Variants in HM13 observed in about 807,000 individuals in gnomAD.
HM13 encodes the protein signal peptide peptidase.
Under a neutral mutation model 50.0 loss-of-function variants are expected in HM13, and 18 were observed. That is an observed-to-expected ratio of 0.36 (90% CI 0.25 to 0.53). The LOEUF (loss-of-function observed/expected upper bound fraction) is 0.53, where lower values mean the gene tolerates loss of function less well. Ranked by LOEUF, HM13 falls within the 20% of genes least tolerant of loss-of-function variation. The pLI, the probability that HM13 is intolerant of heterozygous loss-of-function variation, is 0.90. For missense variants in HM13, 393 were observed against 552.4 expected, an observed-to-expected ratio of 0.71 and a Z score of 2.89; for synonymous variants, 197 against 232.6, an observed-to-expected ratio of 0.85 and a Z score of 1.39.
intron 9 of HM13, among the ~76,000 whole-genome samples, chr20:31,561,357 T>C (rs1376226074): frequency 3.9e-5 from 6 of 152,254 alleles, no homozygotes; most frequent in South Asian, 4.1e-4. Context: ...GCCACTGTTA[T>C]AAGTTGCAGC....
intron 2 of HM13, among the ~76,000 whole-genome samples, chr20:31,533,366 G>A (rs537302535): frequency 2.0e-5 from 3 of 152,280 alleles, no homozygotes; most frequent in East Asian, 3.9e-4. Context: ...TTAACCGAGC[G>A]TGGTGGCCCA....
rs1981681714 is a variant in HM13 at position 31,514,944 on chromosome 20, C to CT, written c.183+212dup. Among the ~76,000 whole-genome samples, 1 of 152,154 alleles carries CT rather than the reference C, an allele frequency of 6.6e-6. No homozygotes were observed. Among genetic ancestry groups the CT allele is most frequent in the African/African-American group, 2.4e-5 (1 of 41,434 alleles). On this transcript the variant is annotated intron_variant, in intron 1 of 12. Transcript: ENST00000398174. This position sits in a 1 kb window ranked among gnomAD's most constrained non-coding sequence, Gnocchi z 4.3. ...CCGACCCCCGACCAGGGTATGATAC[C>CT]TTCCCCAATAGGAACTTGCTTCTGC... is the stretch of plus-strand genomic sequence containing the variant.
rs1488827206 is a variant in HM13, at chr20:31,549,013, T to C, written c.455-16T>C. ...CCCTGCCTCAGGGAGTGGACTTACC[T>C]GGCCTCTCTGCTCAGAGATCATCAA... On this transcript the variant is annotated splice_polypyrimidine_tract_variant and intron_variant, in intron 4 of 12. Transcript: ENST00000398174. 2 of 1,612,902 alleles carry C rather than the reference T, an allele frequency of 1.2e-6. No individual in the cohort carries two copies. Among genetic ancestry groups the C allele is most frequent in the Non-Finnish European group, 1.7e-6 (2 of 1,178,876 alleles).
In HM13 at chr20:31,549,221, C is replaced by A; in HGVS notation, c.555C>A (p.Asn185Lys). The part of the protein sequence containing the change: ...WYLLRKHWIA[N>K]NLFGLAFSLN... ...GCTTTCCTCAGCACTGGATTGCCAA[C>A]AACCTTTTTGGCCTGGCCTTCTCCC... Residue 185 changes from asparagine to lysine, a missense_variant, in exon 6 of 13, where the codon AAC becomes AAA. Physicochemically the swap from Asn to Lys is moderately conservative, Grantham distance 94. Transcript: ENST00000398174. 1 of 1,614,222 alleles carries A rather than the reference C, an allele frequency of 6.2e-7. No individual in the cohort carries two copies. Among genetic ancestry groups the A allele is most frequent in the Non-Finnish European group, 8.5e-7 (1 of 1,180,034 alleles).
intron 3 of HM13, chr20:31,541,069 A>G (rs1196679082): frequency 2.0e-5 from 3 of 152,178 alleles, no homozygotes; most frequent in Non-Finnish European, 4.4e-5. Context: ...AATAAAACCA[A>G]CAGCAGCTAA....
chr20:31,523,042 T>TGGGG lies in HM13; in HGVS notation c.184-4442_184-4441insGGGG, dbSNP rs1568779700. Among the ~76,000 whole-genome samples, 17 of 116,442 alleles carry TGGGG rather than the reference T, an allele frequency of 1.5e-4. 1 individual carries two copies. Among genetic ancestry groups the TGGGG allele is most frequent in the African/African-American group, 8.2e-4 (17 of 20,798 alleles). 76.4% of individuals were successfully genotyped at this position (116,442 alleles called of 152,430 possible). A position where few individuals can be genotyped will look rare whatever the true frequency, so the allele number is the denominator to read the frequency against. On this transcript the variant is annotated intron_variant, in intron 1 of 12. Transcript: ENST00000398174. ...TATAATAGCCTGTTTGGGGTTTTTT[T>TGGGG]TGGGAGGGGGGCTTTTTTTTTTTTA...
chr20:31,537,784 C>A (rs1243140946), intron 2 of HM13, among the ~76,000 whole-genome samples: 2 of 152,056 alleles, frequency 1.3e-5, no homozygotes, highest in Non-Finnish European at 2.9e-5. Context: ...TGTAGGGGAT[C>A]CCTGGATGAT....
intron 4 of HM13, chr20:31,548,294 C>T: frequency 2.4e-6 from 1 of 413,592 alleles, no homozygotes; most frequent in East Asian, 4.4e-5. Flanking sequence ...CTCTGTGACT[C>T]CCGGCAAACT....
At chr20:31,560,850 G>A (rs1446177597) in intron 9 of HM13, among the ~76,000 whole-genome samples, 1 of 152,212 alleles carries the variant, frequency 6.6e-6, no homozygotes, top group Non-Finnish European at 1.5e-5. Context: ...GAAGCACCCA[G>A]GACAAGGAGA....
intron 3 of HM13, chr20:31,538,674 T>C (rs1051084751): frequency 2.7e-6 from 3 of 1,103,634 alleles, no homozygotes; most frequent in African/African-American, 1.6e-5. Flanking sequence ...AGTGAAAAGT[T>C]AGGAGCGTGG....
intron 4 of HM13, among the ~76,000 whole-genome samples, chr20:31,546,047 T>C (rs1983694028): frequency 1.2e-5 from 1 of 83,666 alleles, no homozygotes; most frequent in African/African-American, 1.8e-4. Flanking sequence ...TCTAGCACTT[T>C]TTTTTTTTTT....
intron 3 of HM13, among the ~76,000 whole-genome samples, chr20:31,542,740 C>G (rs1425997966): frequency 1.3e-5 from 2 of 152,136 alleles, no homozygotes; most frequent in African/African-American, 4.8e-5. Flanking sequence ...TAGAGACTTG[C>G]TACTTGAAGT....
intron 2 of HM13, chr20:31,528,142 C>T (rs980651218): frequency 6.6e-6 from 1 of 152,108 alleles, no homozygotes; most frequent in Non-Finnish European, 1.5e-5. Context: ...TTTCACTTCA[C>T]ATTAATAACA....
At chr20:31,568,569 G>A (rs748548172) in intron 12 of HM13, among the ~76,000 whole-genome samples, 67 of 152,186 alleles carry the variant, frequency 4.4e-4, no homozygotes, top group African/African-American at 1.4e-3. Flanking sequence ...CCTGCCTCAC[G>A]GGGTTTATCT....
intron 2 of HM13, among the ~76,000 whole-genome samples, chr20:31,534,830 A>T (rs1983019550): frequency 1.3e-5 from 2 of 152,156 alleles, no homozygotes; most frequent in African/African-American, 4.8e-5. Context: ...TCACGCCTGT[A>T]ATCCCAGCAC....
intron 1 of HM13, among the ~76,000 whole-genome samples, chr20:31,522,844 G>A (rs1049291313): frequency 6.7e-6 from 1 of 148,276 alleles, no homozygotes. Context: ...TTACAGCTGA[G>A]GAAATTGAGG....
rs371798039 is a variant in HM13 at position 31,552,940 on chromosome 20, A to G, written c.725-1806A>G. On this transcript the variant is annotated intron_variant, in intron 7 of 12. Transcript: ENST00000398174. ...CAGTGAGCCAAGATCACACCACTGC[A>G]CTCCAGCCTGGGTGACAGAGTAAGA... is the stretch of plus-strand genomic sequence containing the variant. 5.3e-4 allele frequency among the ~76,000 whole-genome samples: 81 copies of G among 151,978 alleles called. 2 individuals carry two copies. The South Asian group carries it at 0.016, about 30-fold the overall frequency.
At chr20:31,545,976 C>A (rs1045090851) in intron 4 of HM13, among the ~76,000 whole-genome samples, 1 of 151,032 alleles carries the variant, frequency 6.6e-6, no homozygotes, top group African/African-American at 2.4e-5. Context: ...GAATTACAGG[C>A]GTGAGTGAGC....
chr20:31,560,882 T>A (rs928787640), intron 9 of HM13, among the ~76,000 whole-genome samples: 3 of 152,228 alleles, frequency 2.0e-5, no homozygotes, highest in Non-Finnish European at 4.4e-5. Context: ...GAAGCACTCA[T>A]TCATTCCACA....
Sources: allele counts gnomAD v4.1 joint callset (sites outside exome capture counted in the v4.1 genomes callset), GRCh38; gene constraint gnomAD v4.1.1; non-coding constraint Gnocchi (gnomAD v3.1); transcripts MANE v1.5; gene names NCBI Gene and HGNC (gene_info 2026-07-23, HGNC 2026-07-21).